Variants in DYNC1H1 observed in about 807,000 individuals in gnomAD.
DYNC1H1 encodes dynein cytoplasmic 1 heavy chain 1, also known as cytoplasmic dynein 1 heavy chain 1.
Under a neutral mutation model 527.1 loss-of-function variants are expected in DYNC1H1, and 51 were observed. The observed-to-expected ratio is 0.10, with a 90% CI of 0.08 to 0.12. The LOEUF (loss-of-function observed/expected upper bound fraction) is 0.12, where lower values mean the gene tolerates loss of function less well. Among genes scored for constraint, DYNC1H1 ranks in the 10% least tolerant of loss-of-function variants. DYNC1H1 has a pLI of 1.00. For synonymous variants in DYNC1H1, 2,189 were observed against 2,278.8 expected (o/e 0.96, Z 1.12); for missense variants, 2,771 against 5,971.8 (o/e 0.46, Z 17.66).
chr14:101,996,838 G>T (rs1041106088), intron 15 of DYNC1H1, among the ~76,000 whole-genome samples, 197 bp from the exon 16 acceptor site: 6 of 151,866 alleles, frequency 4.0e-5, no homozygotes, highest in Admixed American at 1.3e-4. Context: ...GCCCAGGCTG[G>T]TCTTAAACTC....
rs773371238 is a variant in DYNC1H1, at chr14:102,010,919, T to C, written c.6585T>C (p.Asp2195=). ...VCQEMYLTYG[D]GEEVGGMWVE... The stretch of plus-strand genomic sequence containing the variant: ...AGGAGATGTATTTGACATATGGAGA[T>C]GGAGAAGAAGTTGGTGGAATGTGGG... The change falls in exon 32 of 78, where the codon GAT becomes GAC. Residue 2195 remains aspartate (D), a synonymous_variant. Coordinates refer to ENST00000360184, the MANE Select transcript of DYNC1H1 (RefSeq NM_001376.5). The surrounding 1 kb of genome is among the most constrained non-coding windows in gnomAD (Gnocchi z 6.0). 4 of 1,614,060 alleles carry C rather than the reference T, an allele frequency of 2.5e-6. No homozygotes were observed. The highest frequency in any genetic ancestry group is 1.3e-5 in the African/African-American group (1 of 74,906).
Position 102,042,327 on chromosome 14 carries a change from C to T in DYNC1H1, c.12275+39C>T, listed in dbSNP as rs1252356300. 6.2e-7 allele frequency: 1 copy of T among 1,614,138 alleles called. No homozygotes were observed. The highest frequency in any genetic ancestry group is 8.5e-7 in the Non-Finnish European group (1 of 1,180,020). On this transcript the variant is annotated intron_variant, in intron 67 of 77. Coordinates refer to ENST00000360184, the MANE Select transcript of DYNC1H1 (RefSeq NM_001376.5). The surrounding 1 kb of genome is among the most constrained non-coding windows in gnomAD (Gnocchi z 5.7). ...CTTTGGCTGAAGAAAGCCTTAGTCC[C>T]CAGGCATTCAGGCAGGCAGCCTGGC...
At chr14:102,043,803 C>T in intron 69 of DYNC1H1, 72 bp from the exon 70 acceptor site, 1 of 1,606,078 alleles carries the variant, frequency 6.2e-7, no homozygotes, top group Non-Finnish European at 8.5e-7. Flanking sequence ...CTTTGACTGA[C>T]CTGGCATCTG....
At chr14:101,990,362 A>G (rs528220676) in intron 10 of DYNC1H1, among the ~76,000 whole-genome samples, 203 of 152,252 alleles carry the variant, frequency 1.3e-3, no homozygotes, top group African/African-American at 4.3e-3. Context: ...AAACCAGATG[A>G]AAGTTCATTG....
In DYNC1H1 at chr14:102,016,015, A is replaced by G; in HGVS notation, c.7402A>G (p.Asn2468Asp). The G allele has an allele frequency of 1.2e-6, 2 of 1,613,822 alleles. No individual in the cohort carries two copies. Among genetic ancestry groups the G allele is most frequent in the Non-Finnish European group, 1.7e-6 (2 of 1,179,984 alleles). The part of the protein sequence containing the change: ...LFSMLHQACR[N>D]VAQYNANHPD... Reference sequence around the variant, plus strand: ...CTCCATGCTGCACCAGGCCTGCCGCAACGTGGCGCAGTATAACGCCAACCA... The same window carrying G: ...CTCCATGCTGCACCAGGCCTGCCGCGACGTGGCGCAGTATAACGCCAACCA... Residue 2468 changes from asparagine to aspartate, a missense_variant, in exon 36 of 78, where the codon AAC becomes GAC. Asn to Asp is a conservative substitution (Grantham distance 23, BLOSUM62 1). Around this residue, in one of 32 missense-constraint regions of DYNC1H1, gnomAD observed 122 missense variants for 168.4 expected, o/e 0.72. Transcript: ENST00000360184. The surrounding 1 kb of genome is among the most constrained non-coding windows in gnomAD (Gnocchi z 7.3).
At chr14:101,996,714 C>T (rs763818402) in intron 15 of DYNC1H1, among the ~76,000 whole-genome samples, 8 of 152,066 alleles carry the variant, frequency 5.3e-5, no homozygotes, top group African/African-American at 1.9e-4. Flanking sequence ...CTCAATCTCC[C>T]GGGCTCAAAC....
Position 102,011,705 on chromosome 14 carries a change from T to C in DYNC1H1, c.6619-170T>C. ...AGGTGGAGCTTGCGGTGAGCTGAGA[T>C]CGTGCCACTGCATTCCAGTCTGGGT... On this transcript the variant is annotated intron_variant, in intron 32 of 77. Coordinates refer to ENST00000360184, the MANE Select transcript of DYNC1H1 (RefSeq NM_001376.5). This position sits in a 1 kb window ranked among gnomAD's most constrained non-coding sequence, Gnocchi z 5.3. 1 of 675,114 alleles carries C rather than the reference T, an allele frequency of 1.5e-6. No individual in the cohort carries two copies. The highest frequency in any genetic ancestry group is 2.8e-5 in the East Asian group (1 of 35,868). The allele number at this position is 675,114 out of a possible 1,614,324, so 41.8% of individuals were successfully genotyped here.
Position 102,049,717 on chromosome 14 carries a change from A to C in DYNC1H1, c.13519A>C (p.Ile4507Leu). The stretch of plus-strand genomic sequence containing the variant: ...TGGGGGCTGCTGCTTTCCACAGAAC[A>C]TCCACGTGTGCCTGGGTGGCCTGTT... The part of the protein sequence containing the change: ...ASGGAKELKN[I>L]HVCLGGLFVP... Residue 4507 changes from isoleucine (I) to leucine (L), a missense_variant, in exon 76 of 78, where the codon ATC becomes CTC. By Grantham distance (5) the Ile-to-Leu change is conservative (BLOSUM62 2). Around this residue, in one of 32 missense-constraint regions of DYNC1H1, gnomAD observed 170 missense variants for 249.8 expected, o/e 0.68. Transcript: ENST00000360184. This position sits in a 1 kb window ranked among gnomAD's most constrained non-coding sequence, Gnocchi z 5.5. The C allele has an allele frequency of 6.2e-7, 1 of 1,613,878 alleles. No individual in the cohort carries two copies.
At position 102,041,921 on chromosome 14, in the gene DYNC1H1, T is replaced by A; in HGVS notation, c.12103-92T>A. The A allele has an allele frequency of 2.0e-6, 3 of 1,519,020 alleles. No individual in the cohort carries two copies. The highest frequency in any genetic ancestry group is 3.7e-5 in the Admixed American group (2 of 54,710). 94.1% of individuals were successfully genotyped at this position (1,519,020 alleles called of 1,614,324 possible). A position where few individuals can be genotyped will look rare whatever the true frequency, so the allele number is the denominator to read the frequency against. ...CACCTCTGGGCCCAGAAAGAACATC[T>A]TCTCAGGCCCCTCACTCGGGGCTCT... On this transcript the variant is annotated intron_variant, in intron 65 of 77. Coordinates refer to ENST00000360184, the MANE Select transcript of DYNC1H1 (RefSeq NM_001376.5). The surrounding 1 kb of genome is among the most constrained non-coding windows in gnomAD (Gnocchi z 4.5).
intron 72 of DYNC1H1, 174 bp from the exon 73 acceptor site, chr14:102,047,643 A>ATATATG: frequency 2.1e-5 from 3 of 140,324 alleles, no homozygotes; most frequent in Non-Finnish European, 2.9e-5. Context: ...GTGTGTGTGT[A>ATATATG]TATATATATA....
Position 102,015,444 on chromosome 14 carries a change from C to T in DYNC1H1, c.7242+112C>T, listed in dbSNP as rs575918747. On this transcript the variant is annotated intron_variant, in intron 35 of 77. Coordinates refer to ENST00000360184, the MANE Select transcript of DYNC1H1 (RefSeq NM_001376.5). This position sits in a 1 kb window ranked among gnomAD's most constrained non-coding sequence, Gnocchi z 6.9. ...TGAACTCCTGGGCCCAAGCAATCCACCTGCCTTGGCCTCTCAAAGTGCTGG... is the reference window on the plus strand; with the variant it reads ...TGAACTCCTGGGCCCAAGCAATCCATCTGCCTTGGCCTCTCAAAGTGCTGG... 8.1e-7 allele frequency: 1 copy of T among 1,231,820 alleles called. No individual in the cohort carries two copies. The highest frequency in any genetic ancestry group is 1.5e-5 in the African/African-American group (1 of 66,434). 76.3% of individuals were successfully genotyped at this position (1,231,820 alleles called of 1,614,324 possible). A position where few individuals can be genotyped will look rare whatever the true frequency, so the allele number is the denominator to read the frequency against.
rs2048080768 is a variant in DYNC1H1, at chr14:101,997,780, G to A, written c.3804+506G>A. ...TTTATTGAGCACCGACTGTGTTCCAGGCCTTGTTCTAGGTCATTGAGATAT... is the reference window on the plus strand; with the variant it reads ...TTTATTGAGCACCGACTGTGTTCCAAGCCTTGTTCTAGGTCATTGAGATAT... On this transcript the variant is annotated intron_variant, in intron 16 of 77. Transcript: ENST00000360184. This position sits in a 1 kb window ranked among gnomAD's most constrained non-coding sequence, Gnocchi z 4.8. Among the ~76,000 whole-genome samples, 1 of 152,180 alleles carries A rather than the reference G, an allele frequency of 6.6e-6. No individual in the cohort carries two copies. Among genetic ancestry groups the A allele is most frequent in the Admixed American group, 6.5e-5 (1 of 15,276 alleles).
intron 11 of DYNC1H1, among the ~76,000 whole-genome samples, chr14:101,993,747 T>C (rs2048024852): frequency 6.6e-6 from 1 of 152,182 alleles, no homozygotes; most frequent in African/African-American, 2.4e-5. Flanking sequence ...CTCCCTCTCC[T>C]TCTCACTCTT....
chr14:102,049,740 G>A lies in DYNC1H1; in HGVS notation c.13542G>A (p.Leu4514=). 6.2e-7 allele frequency: 1 copy of A among 1,613,948 alleles called. No individual in the cohort carries two copies. The highest frequency in any genetic ancestry group is 2.2e-5 in the East Asian group (1 of 44,886). Residue 4514 remains leucine, a synonymous_variant, in exon 76 of 78, where the codon CTG becomes CTA. Transcript: ENST00000360184. The surrounding 1 kb of genome is among the most constrained non-coding windows in gnomAD (Gnocchi z 5.5). Reference sequence around the variant, plus strand: ...ACATCCACGTGTGCCTGGGTGGCCTGTTCGTGCCTGAGGCGTACATCACTG... The same window carrying A: ...ACATCCACGTGTGCCTGGGTGGCCTATTCGTGCCTGAGGCGTACATCACTG... ...LKNIHVCLGG[L]FVPEAYITAT...
chr14:102,037,317 G>A (rs113436309), intron 57 of DYNC1H1: 11,476 of 151,688 alleles, frequency 0.076, 535 homozygotes, highest in African/African-American at 0.13. Context: ...CCAGCTACTC[G>A]GGAGGCTGAG....
chr14:102,013,820 G>A lies in DYNC1H1; in HGVS notation c.7015-1285G>A, dbSNP rs369325655. Among the ~76,000 whole-genome samples, 61 of 152,280 alleles carry A rather than the reference G, an allele frequency of 4.0e-4. 2 individuals are homozygous for A. In the East Asian group the frequency reaches 9.1e-3, roughly 23 times the overall value. Reference sequence around the variant, plus strand: ...CCTCAGACCTCCAGGCACCAGGGACGGGGCGAGCTGGCAGCAGCGAAGGTG... The same window carrying A: ...CCTCAGACCTCCAGGCACCAGGGACAGGGCGAGCTGGCAGCAGCGAAGGTG... On this transcript the variant is annotated intron_variant, in intron 34 of 77. Transcript: ENST00000360184.
intron 74 of DYNC1H1, 50 bp downstream of exon 74, chr14:102,048,719 CA>C (rs1224848711): frequency 6.3e-7 from 1 of 1,595,860 alleles, no homozygotes; most frequent in South Asian, 1.1e-5. Flanking sequence ...GCACCTTGGC[CA>C]GGGGCCACAA....
rs983608957 is a variant in DYNC1H1, at chr14:102,040,231, C to T, written c.11691-5C>T. 1.1e-5 allele frequency: 17 copies of T among 1,614,092 alleles called. No individual in the cohort carries two copies. Among genetic ancestry groups the T allele is most frequent in the South Asian group, 4.4e-5 (4 of 91,076 alleles). On this transcript the variant is annotated splice_polypyrimidine_tract_variant and splice_region_variant and intron_variant, in intron 62 of 77. Coordinates refer to ENST00000360184, the MANE Select transcript of DYNC1H1 (RefSeq NM_001376.5). Reference sequence around the variant, plus strand: ...ACCCTAGCTAACCTGTTGCACCCTTCGCAGGGAGCCCACCTACGATGCAGA... The same window carrying T: ...ACCCTAGCTAACCTGTTGCACCCTTTGCAGGGAGCCCACCTACGATGCAGA...
In DYNC1H1 at chr14:102,005,236, G is replaced by A; in HGVS notation, c.5433G>A (p.Leu1811=). The change falls in exon 26 of 78, where the codon TTG becomes TTA. Residue 1811 remains leucine (L), a splice_region_variant and synonymous_variant. Coordinates refer to ENST00000360184, the MANE Select transcript of DYNC1H1 (RefSeq NM_001376.5). The surrounding 1 kb of genome is among the most constrained non-coding windows in gnomAD (Gnocchi z 4.0). ...TCCGAAGGCGGAAGCTAGAACACTT[G>A]GTTAGTCTCACACCTGACTCCTTCC... ...PPLRRRKLEH[L]ITELVHQRDV... 1.9e-6 allele frequency: 3 copies of A among 1,614,100 alleles called. No individual in the cohort carries two copies. The highest frequency in any genetic ancestry group is 2.5e-6 in the Non-Finnish European group (3 of 1,180,036).
Sources: gnomAD v4.1 joint callset for allele counts (sites outside exome capture counted in the v4.1 genomes callset) on GRCh38, gnomAD v4.1.1 for gene constraint, gnomAD v4.1.1 regional missense constraint, Gnocchi (gnomAD v3.1) non-coding constraint, MANE v1.5 for transcripts, NCBI Gene and HGNC (gene_info 2026-07-23, HGNC 2026-07-21) for gene names.